Variants in DSCAML1 observed in about 807,000 individuals in gnomAD.
DSCAML1 encodes the protein cell adhesion molecule DSCAML1.
Under a neutral mutation model 200.5 loss-of-function variants are expected in DSCAML1, and 38 were observed. The ratio of observed to expected loss-of-function variants is 0.19; its 90% CI spans 0.15 to 0.25. The LOEUF is 0.25. Ranked by LOEUF, DSCAML1 falls within the 10% of genes least tolerant of loss-of-function variation. DSCAML1 has a pLI of 1.00. For synonymous variants in DSCAML1, 1,215 were observed against 1,165.0 expected, an observed-to-expected ratio of 1.04 and a Z score of -0.87; for missense variants, 2,223 against 2,858.8, an observed-to-expected ratio of 0.78 and a Z score of 5.07.
intron 3 of DSCAML1, among the ~76,000 whole-genome samples, chr11:117,664,989 C>T (rs2052944475): frequency 1.3e-5 from 2 of 152,218 alleles, no homozygotes; most frequent in South Asian, 4.1e-4. Flanking sequence ...CCCTTTCTGC[C>T]TTTCCTTCTT....
At chr11:117,455,111 T>C (rs1027685295) in intron 19 of DSCAML1, among the ~76,000 whole-genome samples, 1 of 152,206 alleles carries the variant, frequency 6.6e-6, no homozygotes, top group Non-Finnish European at 1.5e-5. Flanking sequence ...TCCTGCTAGC[T>C]TTATGATGCC....
intron 8 of DSCAML1, among the ~76,000 whole-genome samples, chr11:117,515,932 T>C (rs2049757051): frequency 6.6e-6 from 1 of 152,018 alleles, no homozygotes. Flanking sequence ...GGAGGAGGCT[T>C]TTAAGCACCA....
At position 117,780,970 on chromosome 11, in the gene DSCAML1, C is replaced by G. The variant is rs1404044854; in HGVS notation, c.47-160G>C. 6.6e-6 allele frequency among the ~76,000 whole-genome samples: 1 copy of G among 152,140 alleles called. No individual in the cohort carries two copies. The highest frequency in any genetic ancestry group is 1.5e-5 in the Non-Finnish European group (1 of 68,028). The stretch of plus-strand genomic sequence containing the variant: ...GCACTGACTATACACCAGGCACTGG[C>G]AAAGGTGAATCAGAGACAGTTCCTG... On this transcript the variant is annotated intron_variant, in intron 1 of 32. Coordinates refer to ENST00000651296, the MANE Select transcript of DSCAML1 (RefSeq NM_020693.4). This position sits in a 1 kb window ranked among gnomAD's most constrained non-coding sequence, Gnocchi z 4.8.
intron 3 of DSCAML1, among the ~76,000 whole-genome samples, chr11:117,535,609 C>T (rs1007697122): frequency 6.6e-6 from 1 of 152,164 alleles, no homozygotes; most frequent in African/African-American, 2.4e-5. Flanking sequence ...CTGCATGTGC[C>T]GTTTTGTCTC....
intron 3 of DSCAML1, among the ~76,000 whole-genome samples, chr11:117,583,554 AG>A (rs1190176987): frequency 1.3e-5 from 2 of 152,012 alleles, no homozygotes; most frequent in Non-Finnish European, 2.9e-5. Context: ...TCTCTTCTCC[AG>A]TCCCTGCCAC....
chr11:117,546,017 C>G (rs116441718), intron 3 of DSCAML1, among the ~76,000 whole-genome samples: 2,839 of 152,300 alleles, frequency 0.019, 67 homozygotes, highest in African/African-American at 0.063. Context: ...CTCGGCTATG[C>G]GAACTTGTGC....
intron 14 of DSCAML1, among the ~76,000 whole-genome samples, 171 bp from the exon 15 acceptor site, chr11:117,472,207 T>A (rs1002558959): frequency 6.6e-6 from 1 of 152,194 alleles, no homozygotes; most frequent in African/African-American, 2.4e-5. Context: ...GCAAGGGGTC[T>A]GTCCCATGCA....
At chr11:117,507,980 C>T (rs2049536688) in intron 8 of DSCAML1, among the ~76,000 whole-genome samples, 1 of 152,130 alleles carries the variant, frequency 6.6e-6, no homozygotes, top group Admixed American at 6.5e-5. Context: ...TTCCTGAGAC[C>T]TCCCCGAGAT....
rs868719705 is a variant in DSCAML1, at chr11:117,524,889, G to C, written c.853C>G (p.Arg285Gly). The C allele has an allele frequency of 1.9e-6, 3 of 1,611,440 alleles. No homozygotes were observed. Residue 285 changes from arginine to glycine, a missense_variant, in exon 5 of 33, where the codon CGG becomes GGG. Arg to Gly is a moderately radical substitution (Grantham distance 125). Coordinates refer to ENST00000651296, the MANE Select transcript of DSCAML1 (RefSeq NM_020693.4). Reference protein sequence around the residue: ...RITGLTISDLRTEDSGTYICE... With the variant: ...RITGLTISDLGTEDSGTYICE... ...ATGTAGGTGCCGCTGTCCTCGGTCC[G>C]CAAGTCGCTGATGGTCAGCCCTGTG...
intron 3 of DSCAML1, among the ~76,000 whole-genome samples, chr11:117,543,580 TG>T (rs1275516946): frequency 2.6e-5 from 4 of 151,908 alleles, no homozygotes. Flanking sequence ...TAGGTCCCAA[TG>T]GGTACTATAC....
At chr11:117,539,057 C>T (rs997157792) in intron 3 of DSCAML1, among the ~76,000 whole-genome samples, 4 of 152,128 alleles carry the variant, frequency 2.6e-5, no homozygotes, top group Admixed American at 6.5e-5. Context: ...CATCTCAATC[C>T]GGTCATAAAA....
chr11:117,762,100 G>A (rs2054814271), intron 3 of DSCAML1, among the ~76,000 whole-genome samples: 2 of 152,068 alleles, frequency 1.3e-5, no homozygotes, highest in African/African-American at 4.8e-5. Flanking sequence ...CTTAGCCTTG[G>A]GCAAGACATT....
intron 11 of DSCAML1, among the ~76,000 whole-genome samples, chr11:117,494,773 C>T (rs1439172256): frequency 1.3e-5 from 2 of 152,148 alleles, no homozygotes; most frequent in Non-Finnish European, 2.9e-5. Flanking sequence ...AGAAGAGACC[C>T]ACATAGAGGG....
chr11:117,670,856 A>ACAGTG (rs1166794899), intron 3 of DSCAML1, among the ~76,000 whole-genome samples: 1 of 152,174 alleles, frequency 6.6e-6, no homozygotes, highest in African/African-American at 2.4e-5. Flanking sequence ...GCTGATGTTG[A>ACAGTG]CAGTGAAATG....
In DSCAML1 at chr11:117,729,606, A is replaced by C. The variant is rs182616057; in HGVS notation, c.511+47185T>G. 2.0e-3 allele frequency among the ~76,000 whole-genome samples: 307 copies of C among 152,338 alleles called. 1 individual carries two copies. Among genetic ancestry groups the C allele is most frequent in the Admixed American group, 6.3e-3 (96 of 15,306 alleles). On this transcript the variant is annotated intron_variant, in intron 3 of 32. Transcript: ENST00000651296. ...AGGACAACTCAATTTTAAAATGAAA[A>C]TTATGTCTTTATATCTAAGAAAATA...
rs1023941511 is a variant in DSCAML1 at position 117,780,102 on chromosome 11, G to A, written c.364+391C>T. ...TCTTCTCACCACTGCACTCCAGTCTGGGCGACAGAGTGAGGCTCTGTCTCA... is the reference window on the plus strand; with the variant it reads ...TCTTCTCACCACTGCACTCCAGTCTAGGCGACAGAGTGAGGCTCTGTCTCA... On this transcript the variant is annotated intron_variant, in intron 2 of 32. Coordinates refer to ENST00000651296, the MANE Select transcript of DSCAML1 (RefSeq NM_020693.4). This position sits in a 1 kb window ranked among gnomAD's most constrained non-coding sequence, Gnocchi z 4.8. Among the ~76,000 whole-genome samples the A allele has an allele frequency of 6.0e-5, 9 of 150,406 alleles. No individual in the cohort carries two copies. Among genetic ancestry groups the A allele is most frequent in the Non-Finnish European group, 8.9e-5 (6 of 67,776 alleles).
intron 3 of DSCAML1, among the ~76,000 whole-genome samples, chr11:117,586,127 A>T (rs2051136474): frequency 6.6e-6 from 1 of 152,180 alleles, no homozygotes; most frequent in African/African-American, 2.4e-5. Context: ...TCTAGGAAAT[A>T]GGCCAGGGAG....
chr11:117,762,266 G>A (rs907823593), intron 3 of DSCAML1, among the ~76,000 whole-genome samples: 34 of 152,148 alleles, frequency 2.2e-4, no homozygotes, highest in African/African-American at 7.9e-4. Flanking sequence ...TCTGCCGGTC[G>A]GGCCAAGTGT....
chr11:117,669,459 T>C (rs1258718529), intron 3 of DSCAML1, among the ~76,000 whole-genome samples: 1 of 152,236 alleles, frequency 6.6e-6, no homozygotes, highest in African/African-American at 2.4e-5. Flanking sequence ...CCTCCCATGC[T>C]GGATCCTTCA....
Sources: gnomAD v4.1 joint callset for allele counts (sites outside exome capture counted in the v4.1 genomes callset) on GRCh38, gnomAD v4.1.1 for gene constraint, Gnocchi (gnomAD v3.1) non-coding constraint, MANE v1.5 for transcripts, NCBI Gene and HGNC (gene_info 2026-07-23, HGNC 2026-07-21) for gene names.